Variants in MAML2 observed in about 807,000 individuals in gnomAD.
MAML2 encodes the protein mastermind like transcriptional coactivator 2.
A neutral mutation model predicts 96.1 loss-of-function variants in MAML2; 22 were observed. The observed-to-expected ratio is 0.23, with a 90% CI of 0.16 to 0.33. MAML2 has a LOEUF of 0.33. Among genes scored for constraint, MAML2 ranks in the 10% least tolerant of loss-of-function variants. The pLI is 1.00. For missense variants in MAML2, 1,367 were observed against 1,392.4 expected (o/e 0.98, Z 0.29); for synonymous variants, 561 against 521.3 (o/e 1.08, Z -1.04).
At position 96,221,480 on chromosome 11, in the gene MAML2, G is replaced by GCTATACCC. The variant is rs1298416015; in HGVS notation, c.513+119895_513+119902dup. Among the ~76,000 whole-genome samples the GCTATACCC allele has an allele frequency of 4.6e-5, 7 of 152,104 alleles. 1 individual carries two copies. The highest frequency in any genetic ancestry group is 3.9e-4 in the Admixed American group (6 of 15,252). On this transcript the variant is annotated intron_variant, in intron 1 of 4. Transcript: ENST00000524717. ...AACAGTGTAACACTGTGGAGGCCAGGCTATACCCGAGGTTAGAGACCCCAC... is the reference window on the plus strand; with the variant it reads ...AACAGTGTAACACTGTGGAGGCCAGGCTATACCCCTATACCCGAGGTTAGAGACCCCAC...
intron 1 of MAML2, among the ~76,000 whole-genome samples, chr11:96,122,532 A>G (rs1301876094): frequency 1.6e-5 from 2 of 127,976 alleles, no homozygotes; most frequent in Non-Finnish European, 3.5e-5. Flanking sequence ...GTGTGTGTGC[A>G]CGTGCACGTG....
chr11:96,230,981 G>A (rs1267578896), intron 1 of MAML2, among the ~76,000 whole-genome samples: 1 of 152,226 alleles, frequency 6.6e-6, no homozygotes, highest in Admixed American at 6.5e-5. Flanking sequence ...TCAGGAAATA[G>A]TGAAAGATAT....
At chr11:96,186,435 C>A (rs553312193) in intron 1 of MAML2, among the ~76,000 whole-genome samples, 1 of 152,208 alleles carries the variant, frequency 6.6e-6, no homozygotes, top group South Asian at 2.1e-4. Context: ...ACTAAAAATA[C>A]AAAATTAGCC....
At chr11:96,254,248 T>C (rs1017720202) in intron 1 of MAML2, among the ~76,000 whole-genome samples, 2 of 152,044 alleles carry the variant, frequency 1.3e-5, no homozygotes, top group African/African-American at 4.8e-5. Context: ...CTAAAGTAAG[T>C]CACACACACA....
intron 1 of MAML2, among the ~76,000 whole-genome samples, chr11:96,195,715 T>C (rs1861718906): frequency 6.6e-6 from 1 of 152,232 alleles, no homozygotes; most frequent in African/African-American, 2.4e-5. Flanking sequence ...TGTGTGCATA[T>C]AATTGTAAAG....
intron 1 of MAML2, among the ~76,000 whole-genome samples, chr11:96,190,258 C>T (rs1480167459): frequency 1.3e-5 from 2 of 152,158 alleles, no homozygotes; most frequent in Non-Finnish European, 2.9e-5. Context: ...CTCATTTAAT[C>T]CACCCAACAG....
chr11:96,269,169 T>C lies in MAML2; in HGVS notation c.513+72214A>G, dbSNP rs572799093. Among the ~76,000 whole-genome samples, 22 of 144,854 alleles carry C rather than the reference T, an allele frequency of 1.5e-4. 2 individuals are homozygous for C. Among genetic ancestry groups the C allele is most frequent in the East Asian group, 6.0e-4 (3 of 4,976 alleles). On this transcript the variant is annotated intron_variant, in intron 1 of 4. Coordinates refer to ENST00000524717, the MANE Select transcript of MAML2 (RefSeq NM_032427.4). ...TTGAGAAATTTCAAGTTGCCTGTTA[T>C]TGAAGATGATTAAGACGGATGACTT...
chr11:96,055,555 C>CT (rs1036744152), intron 2 of MAML2, among the ~76,000 whole-genome samples: 1 of 152,180 alleles, frequency 6.6e-6, no homozygotes, highest in Non-Finnish European at 1.5e-5. Context: ...GATTGAATGA[C>CT]TTCTAACGTT....
intron 1 of MAML2, among the ~76,000 whole-genome samples, chr11:96,308,926 T>C (rs962215968): frequency 5.9e-5 from 9 of 152,248 alleles, no homozygotes; most frequent in Admixed American, 3.3e-4. Context: ...ATGTGCTATA[T>C]ACTTTCTGCT....
rs140193763 is a variant in MAML2, at chr11:96,016,881, G to T, written c.2140-25158C>A. ...TCCAGAAACTCTATAGAAAAGATTT[G>T]TTTAAATGGCTCAAAAAAGGGAGAT... On this transcript the variant is annotated intron_variant, in intron 2 of 4. Coordinates refer to ENST00000524717, the MANE Select transcript of MAML2 (RefSeq NM_032427.4). 9.9e-3 allele frequency among the ~76,000 whole-genome samples: 1,506 copies of T among 152,258 alleles called. 31 individuals are homozygous for T. The highest frequency in any genetic ancestry group is 0.034 in the African/African-American group (1,410 of 41,554).
At chr11:96,073,838 G>A (rs945004144) in intron 2 of MAML2, among the ~76,000 whole-genome samples, 5 of 152,110 alleles carry the variant, frequency 3.3e-5, no homozygotes, top group Non-Finnish European at 7.4e-5. Context: ...AGAATGTACA[G>A]GTAAAAGGAT....
chr11:96,108,378 C>A (rs753257865), intron 1 of MAML2, among the ~76,000 whole-genome samples: 1 of 152,168 alleles, frequency 6.6e-6, no homozygotes, highest in Non-Finnish European at 1.5e-5. Flanking sequence ...CCATAGAACA[C>A]AGCATGCAGC....
rs188190726 is a variant in MAML2, at chr11:96,046,789, A to C, written c.2139+45103T>G. ...AGTGTCAGAGTCTGTTTAGGAAAAG[A>C]TATGGTGGAGAAATGGAATCTAGGT... On this transcript the variant is annotated intron_variant, in intron 2 of 4. Coordinates refer to ENST00000524717, the MANE Select transcript of MAML2 (RefSeq NM_032427.4). Among the ~76,000 whole-genome samples, 38 of 152,292 alleles carry C rather than the reference A, an allele frequency of 2.5e-4. No individual in the cohort carries two copies. In the East Asian group the frequency reaches 6.0e-3, roughly 24 times the overall value.
At chr11:96,006,552 C>CTT (rs61447709) in intron 2 of MAML2, among the ~76,000 whole-genome samples, 112 of 144,804 alleles carry the variant, frequency 7.7e-4, no homozygotes, top group African/African-American at 1.8e-3. Flanking sequence ...ATTGGAGTAT[C>CTT]TTTTTTTTTT....
chr11:96,184,364 C>A (rs988080941), intron 1 of MAML2, among the ~76,000 whole-genome samples: 2 of 151,894 alleles, frequency 1.3e-5, no homozygotes, highest in African/African-American at 4.8e-5. Flanking sequence ...CACTTGAACC[C>A]AGGAGGCAGA....
intron 1 of MAML2, among the ~76,000 whole-genome samples, chr11:96,096,997 A>G (rs1037166063): frequency 2.5e-5 from 3 of 117,996 alleles, no homozygotes; most frequent in African/African-American, 9.6e-5. Flanking sequence ...AGAAGTTTTT[A>G]ATCTAGTTAT....
chr11:96,259,700 A>G (rs1862721246), intron 1 of MAML2, among the ~76,000 whole-genome samples: 1 of 152,216 alleles, frequency 6.6e-6, no homozygotes, highest in Non-Finnish European at 1.5e-5. Context: ...AGTCAAGGAG[A>G]GAGTCATCTC....
chr11:96,177,642 A>G (rs1321514982), intron 1 of MAML2, among the ~76,000 whole-genome samples: 1 of 152,186 alleles, frequency 6.6e-6, no homozygotes, highest in African/African-American at 2.4e-5. Context: ...AAAAGCTGCA[A>G]TCACATTCAG....
intron 2 of MAML2, among the ~76,000 whole-genome samples, chr11:96,055,022 A>G (rs1181841829): frequency 6.6e-6 from 1 of 152,160 alleles, no homozygotes; most frequent in Admixed American, 6.5e-5. Flanking sequence ...TATTTTGGTT[A>G]CAGTATCTTA....
Sources: allele counts gnomAD v4.1 joint callset (sites outside exome capture counted in the v4.1 genomes callset), GRCh38; gene constraint gnomAD v4.1.1; transcripts MANE v1.5; gene names NCBI Gene and HGNC (gene_info 2026-07-23, HGNC 2026-07-21).